CACNA1D: variants seen among roughly 807,000 people sequenced by gnomAD.
CACNA1D encodes voltage-dependent L-type calcium channel subunit alpha-1D.
CACNA1D carries 55 observed loss-of-function variants against 257.1 expected under a neutral mutation model. The ratio of observed to expected loss-of-function variants is 0.21; its 90% CI spans 0.17 to 0.27. CACNA1D has a LOEUF of 0.27. Among genes scored for constraint, CACNA1D ranks in the 10% least tolerant of loss-of-function variants. CACNA1D has a pLI of 1.00. For synonymous variants in CACNA1D, 980 were observed against 1,014.9 expected (o/e 0.97, Z 0.65); for missense variants, 1,876 against 2,784.0 (o/e 0.67, Z 7.34).
intron 42 of CACNA1D, among the ~76,000 whole-genome samples, 180 bp downstream of exon 42, chr3:53,801,605 G>A (rs1016288562): frequency 2.6e-5 from 4 of 152,114 alleles, no homozygotes; most frequent in African/African-American, 4.8e-5. Flanking sequence ...CACTCTCCAC[G>A]TGATGGACCT....
chr3:53,665,612 T>C, intron 5 of CACNA1D, 48 bp from the exon 6 acceptor site: 1 of 1,466,504 alleles, frequency 6.8e-7, no homozygotes, highest in African/African-American at 1.4e-5. Flanking sequence ...TATGATTCAT[T>C]GGAGTGCCTT....
At chr3:53,722,280 G>C in intron 11 of CACNA1D, 34 bp from the exon 12 acceptor site, 1 of 1,611,014 alleles carries the variant, frequency 6.2e-7, no homozygotes, top group Non-Finnish European at 8.5e-7. Flanking sequence ...TGCTGTATCT[G>C]TCATCTACGT....
In CACNA1D at chr3:53,765,207, C is replaced by T. The variant is rs543752149; in HGVS notation, c.3870+3126C>T. Reference sequence around the variant, plus strand: ...CAGTGGGACTGTTGGTTCTGACACCCCACTCCCCTCCACATGTAGTTCCCC... The same window carrying T: ...CAGTGGGACTGTTGGTTCTGACACCTCACTCCCCTCCACATGTAGTTCCCC... On this transcript the variant is annotated intron_variant, in intron 30 of 47. Transcript: ENST00000350061. 9.8e-5 allele frequency among the ~76,000 whole-genome samples: 15 copies of T among 152,318 alleles called. 1 individual carries two copies. In the South Asian group the frequency reaches 3.1e-3, roughly 32 times the overall value.
At chr3:53,663,777 GTCTC>G (rs541515346) in intron 5 of CACNA1D, among the ~76,000 whole-genome samples, 24 of 149,576 alleles carry the variant, frequency 1.6e-4, no homozygotes, top group East Asian at 2.1e-4. Context: ...GGAAATAATC[GTCTC>G]TCTCTCTCTC....
chr3:53,628,094 C>T lies in CACNA1D; in HGVS notation c.484-22685C>T, dbSNP rs554442853. On this transcript the variant is annotated intron_variant, in intron 3 of 47. Coordinates refer to ENST00000350061, the MANE Select transcript of CACNA1D (RefSeq NM_001128840.3). ...TTTTCAGCAGGGAGCCCTGTCTTCT[C>T]TAATACCTGGGTAACAGGAAGCAGT... Among the ~76,000 whole-genome samples, 3 of 152,294 alleles carry T rather than the reference C, an allele frequency of 2.0e-5. No homozygotes were observed. The South Asian group carries it at 6.2e-4, about 32-fold the overall frequency.
At chr3:53,779,223 CTGTT>C (rs2095413565) in intron 37 of CACNA1D, among the ~76,000 whole-genome samples, 1 of 152,158 alleles carries the variant, frequency 6.6e-6, no homozygotes, top group Non-Finnish European at 1.5e-5. Context: ...AAGGAGAAGA[CTGTT>C]TGAACAGTGA....
intron 3 of CACNA1D, among the ~76,000 whole-genome samples, chr3:53,520,198 C>T (rs2091495897): frequency 6.6e-6 from 1 of 152,142 alleles, no homozygotes; most frequent in Non-Finnish European, 1.5e-5. Context: ...GTAACTTTCC[C>T]ATTTTGAGGG....
intron 3 of CACNA1D, among the ~76,000 whole-genome samples, chr3:53,515,587 C>T (rs1425122485): frequency 1.3e-5 from 2 of 152,162 alleles, no homozygotes; most frequent in African/African-American, 4.8e-5. Flanking sequence ...GTGGACCTCT[C>T]CTGCCCTTTC....
chr3:53,709,233 G>T (rs2094724073), intron 9 of CACNA1D, among the ~76,000 whole-genome samples: 1 of 152,220 alleles, frequency 6.6e-6, no homozygotes, highest in Admixed American at 6.5e-5. Context: ...GTGAGACACT[G>T]TTCCAAAGGC....
intron 3 of CACNA1D, among the ~76,000 whole-genome samples, chr3:53,532,028 A>AG (rs991326273): frequency 1.7e-4 from 26 of 152,152 alleles, no homozygotes; most frequent in African/African-American, 6.0e-4. Context: ...GCTCTCCCAA[A>AG]GGATTACTGA....
chr3:53,747,631 G>T (rs1184027383), intron 26 of CACNA1D, among the ~76,000 whole-genome samples, 183 bp downstream of exon 26: 2 of 152,184 alleles, frequency 1.3e-5, no homozygotes, highest in Non-Finnish European at 2.9e-5. Context: ...GTAGGTGGAT[G>T]ATTTGTGAAG....
At chr3:53,591,038 C>G (rs538823090) in intron 3 of CACNA1D, among the ~76,000 whole-genome samples, 2 of 152,132 alleles carry the variant, frequency 1.3e-5, no homozygotes, top group Non-Finnish European at 2.9e-5. Flanking sequence ...AAACCCTTTC[C>G]TCCTGTGCAG....
At chr3:53,781,538 C>CT in intron 38 of CACNA1D, 28 bp from the exon 39 acceptor site, 2 of 1,475,386 alleles carry the variant, frequency 1.4e-6, no homozygotes, top group Non-Finnish European at 1.9e-6. Context: ...ATGAGGCTTG[C>CT]TTTTCCCCTT....
intron 3 of CACNA1D, among the ~76,000 whole-genome samples, chr3:53,521,457 A>T (rs1209241936): frequency 6.6e-6 from 1 of 152,046 alleles, no homozygotes; most frequent in Non-Finnish European, 1.5e-5. Context: ...GCCTGTTCCA[A>T]CTCCCTTGTC....
At chr3:53,806,467 A>C (rs1215432251) in intron 45 of CACNA1D, among the ~76,000 whole-genome samples, 2 of 151,904 alleles carry the variant, frequency 1.3e-5, no homozygotes, top group African/African-American at 4.8e-5. Context: ...TGAGCAAGGA[A>C]CTCCAGCTGG....
chr3:53,790,977 T>C (rs1018650491), intron 40 of CACNA1D: 1 of 702,396 alleles, frequency 1.4e-6, no homozygotes. Context: ...TTCGTTTGTT[T>C]CAGATGCTTG....
chr3:53,721,820 A>C (rs2094885767), intron 11 of CACNA1D, among the ~76,000 whole-genome samples: 1 of 152,032 alleles, frequency 6.6e-6, no homozygotes, highest in Non-Finnish European at 1.5e-5. Context: ...AAAAAAAAAA[A>C]CTAGCTTTGT....
intron 3 of CACNA1D, among the ~76,000 whole-genome samples, chr3:53,612,983 T>C (rs1436050691): frequency 2.6e-5 from 4 of 152,168 alleles, no homozygotes; most frequent in Non-Finnish European, 5.9e-5. Context: ...TTTTTAAAGG[T>C]GATCATTTAT....
intron 3 of CACNA1D, among the ~76,000 whole-genome samples, chr3:53,561,581 T>C (rs2092740180): frequency 6.6e-6 from 1 of 152,176 alleles, no homozygotes; most frequent in African/African-American, 2.4e-5. Context: ...TGATGGCTGT[T>C]GACATAGAGC....
Sources: allele counts gnomAD v4.1 joint callset (sites outside exome capture counted in the v4.1 genomes callset), GRCh38; gene constraint gnomAD v4.1.1; transcripts MANE v1.5; gene names NCBI Gene and HGNC (gene_info 2026-07-23, HGNC 2026-07-21).